The following LPA variants were observed in gnomAD, a reference collection of about 807,000 sequenced individuals.
LPA encodes lipoprotein(a).
LPA carries 199 observed loss-of-function variants against 197.9 expected under a neutral mutation model. That is an observed-to-expected ratio of 1.01 (90% CI 0.90 to 1.13). The LOEUF is 1.13. LPA is among the 50% of genes most tolerant of loss of function. LPA has a pLI of 0.00. For missense variants in LPA, 1,853 were observed against 1,785.8 expected, an observed-to-expected ratio of 1.04 and a Z score of -0.68; for synonymous variants, 715 against 639.5, an observed-to-expected ratio of 1.12 and a Z score of -1.78.
At chr6:160,647,583 A>G (rs1779920727) in intron 2 of LPA, among the ~76,000 whole-genome samples, 1 of 152,158 alleles carries the variant, frequency 6.6e-6, no homozygotes, top group African/African-American at 2.4e-5. Context: ...CCTCTTTTGA[A>G]TACATAAAAT....
intron 1 of LPA, among the ~76,000 whole-genome samples, chr6:160,656,563 C>G (rs994283505): frequency 9.8e-5 from 15 of 152,316 alleles, no homozygotes; most frequent in African/African-American, 3.6e-4. Context: ...CTGGAATCAA[C>G]GTCAGCTCAG....
At chr6:160,612,481 T>C (rs1210992180) in intron 15 of LPA, among the ~76,000 whole-genome samples, 383 of 906 alleles carry the variant, frequency 0.42, 190 homozygotes, top group South Asian at 1. Context: ...CATATGGAAT[T>C]AATGCAGCCC....
At chr6:160,585,007 T>C (rs1222325913) in intron 26 of LPA, 39 bp downstream of exon 26, 1 of 1,609,668 alleles carries the variant, frequency 6.2e-7, no homozygotes, top group East Asian at 2.2e-5. Flanking sequence ...AAATTTTAGT[T>C]GACTATTGTT....
intron 36 of LPA, among the ~76,000 whole-genome samples, chr6:160,539,497 C>G (rs868416774): frequency 7.8e-6 from 1 of 127,550 alleles, no homozygotes; most frequent in African/African-American, 3.1e-5. Flanking sequence ...GTTTTGTTTT[C>G]TTTTCTTTTG....
At chr6:160,646,925 A>G (rs1386480476) in intron 2 of LPA, among the ~76,000 whole-genome samples, 1 of 151,814 alleles carries the variant, frequency 6.6e-6, no homozygotes, top group Non-Finnish European at 1.5e-5. Context: ...CACTCCATGT[A>G]CTCAAAACCT....
intron 23 of LPA, among the ~76,000 whole-genome samples, chr6:160,590,709 A>G (rs559421449): frequency 2.3e-4 from 35 of 152,158 alleles, no homozygotes; most frequent in African/African-American, 7.9e-4. Flanking sequence ...GGAGTGGTAA[A>G]TCCAGTGCCC....
At chr6:160,537,002 G>A (rs994607625) in intron 37 of LPA, among the ~76,000 whole-genome samples, 2 of 152,158 alleles carry the variant, frequency 1.3e-5, no homozygotes. Context: ...AAGAGGTAAC[G>A]TGTCTAGTTC....
intron 28 of LPA, among the ~76,000 whole-genome samples, chr6:160,571,018 G>C (rs1778553362): frequency 6.6e-6 from 1 of 152,122 alleles, no homozygotes; most frequent in Non-Finnish European, 1.5e-5. Context: ...ATCAAACGTA[G>C]GTTCAATCTT....
chr6:160,545,967 A>G (rs1412858280), intron 32 of LPA, among the ~76,000 whole-genome samples: 3 of 152,216 alleles, frequency 2.0e-5, no homozygotes, highest in Non-Finnish European at 4.4e-5. Context: ...CAGCCAAGAC[A>G]CACAAAGGCA....
At chr6:160,572,309 T>G (rs1320946159) in intron 28 of LPA, among the ~76,000 whole-genome samples, 2 of 144,192 alleles carry the variant, frequency 1.4e-5, no homozygotes, top group African/African-American at 5.1e-5. Flanking sequence ...AGACTGGAGC[T>G]GTTCCTATTC....
At chr6:160,542,577 CAG>C (rs1410716285) in intron 34 of LPA, 109 bp downstream of exon 34, 5 of 1,491,776 alleles carry the variant, frequency 3.4e-6, no homozygotes, top group Non-Finnish European at 3.6e-6. Context: ...CTTCAGAAAA[CAG>C]AGAGGCAGGT....
intron 16 of LPA, among the ~76,000 whole-genome samples, chr6:160,608,096 T>C (rs895270690): frequency 3.9e-5 from 6 of 152,176 alleles, no homozygotes; most frequent in African/African-American, 1.2e-4. Flanking sequence ...CAACGCTCAT[T>C]TAAAAATATA....
chr6:160,571,461 G>C (rs1778560272), intron 28 of LPA, among the ~76,000 whole-genome samples: 1 of 152,178 alleles, frequency 6.6e-6, no homozygotes, highest in Non-Finnish European at 1.5e-5. Context: ...AAGTCTGCTG[G>C]AGCTGCACTC....
chr6:160,564,842 G>T (rs7450719), intron 28 of LPA, among the ~76,000 whole-genome samples: 15,034 of 152,234 alleles, frequency 0.099, 943 homozygotes, highest in Non-Finnish European at 0.15. Flanking sequence ...CACACCAGGA[G>T]ATTATATCCT....
rs544362204 is a variant in LPA at position 160,634,812 on chromosome 6, C to A, written c.1075+311G>T. On this transcript the variant is annotated intron_variant, in intron 7 of 38. Coordinates refer to ENST00000316300, the MANE Select transcript of LPA (RefSeq NM_005577.4). ...GCTTACTGCGACAGAAAGAATCACA[C>A]ACCTGACAGCACGTTACAATAAAAA... 1.6e-3 allele frequency among the ~76,000 whole-genome samples: 236 copies of A among 150,354 alleles called. 25 individuals are homozygous for A. Among genetic ancestry groups the A allele is most frequent in the African/African-American group, 5.6e-3 (223 of 39,674 alleles).
At chr6:160,600,303 AC>A (rs1428581564) in intron 19 of LPA, among the ~76,000 whole-genome samples, 1 of 151,832 alleles carries the variant, frequency 6.6e-6, no homozygotes, top group Non-Finnish European at 1.5e-5. Context: ...TTTTCTCCAG[AC>A]CCCCCGCAGG....
At position 160,532,649 on chromosome 6, in the gene LPA, C is replaced by T. The variant is rs1425618674; in HGVS notation, c.5843G>A (p.Gly1948Asp). The T allele has an allele frequency of 3.2e-6, 5 of 1,582,050 alleles. No individual in the cohort carries two copies. Among genetic ancestry groups the T allele is most frequent in the Non-Finnish European group, 4.3e-6 (5 of 1,151,770 alleles). Residue 1948 changes from glycine (G) to aspartate (D), a missense_variant and splice_region_variant, in exon 38 of 39, where the codon GGT (glycine) becomes GAT (aspartate). By Grantham distance (94) the Gly-to-Asp change is moderately conservative. Around this residue, in one of 3 missense-constraint regions of LPA, gnomAD observed 1,737 missense variants for 1,504.4 expected, o/e 1.15. Coordinates refer to ENST00000316300, the MANE Select transcript of LPA (RefSeq NM_005577.4). The part of the protein sequence containing the change: ...CYITGWGETQ[G>D]TFGTGLLKEA... ...CTTGAGAAGGCCAGTCCCAAAGGTA[C>T]CTGTGTTTAAAAAGATGAAAGAAAT...
At chr6:160,651,721 C>A (rs1347674030) in intron 1 of LPA, among the ~76,000 whole-genome samples, 1 of 152,050 alleles carries the variant, frequency 6.6e-6, no homozygotes, top group Non-Finnish European at 1.5e-5. Context: ...AGAAAAGACA[C>A]CATCTGGAAA....
chr6:160,615,356 G>GTGTT (rs1226917129), intron 14 of LPA, among the ~76,000 whole-genome samples: 1 of 123,748 alleles, frequency 8.1e-6, no homozygotes, highest in Non-Finnish European at 1.8e-5. Context: ...TTCAGTTTGT[G>GTGTT]TGTGTGTGTG....
Sources: allele counts gnomAD v4.1 joint callset (sites outside exome capture counted in the v4.1 genomes callset), GRCh38; gene constraint gnomAD v4.1.1; regional missense constraint gnomAD v4.1.1; transcripts MANE v1.5; gene names NCBI Gene and HGNC (gene_info 2026-07-23, HGNC 2026-07-21).